Variants in PARP8 observed in about 807,000 individuals in gnomAD.
The protein encoded by PARP8 is poly(ADP-ribose) polymerase family member 8.
PARP8 carries 51 observed loss-of-function variants against 124.1 expected under a neutral mutation model. The ratio of observed to expected loss-of-function variants is 0.41; its 90% CI spans 0.33 to 0.52. The LOEUF (loss-of-function observed/expected upper bound fraction) is 0.52, where lower values mean the gene tolerates loss of function less well. Ranked by LOEUF, PARP8 falls within the 20% of genes least tolerant of loss-of-function variation. The pLI is 0.21. For synonymous variants in PARP8, 391 were observed against 361.5 expected (o/e 1.08, Z -0.93); for missense variants, 860 against 1,018.9 (o/e 0.84, Z 2.12).
intron 2 of PARP8, among the ~76,000 whole-genome samples, chr5:50,705,788 A>G (rs147062798): frequency 1.3e-5 from 2 of 152,162 alleles, no homozygotes. Flanking sequence ...TCCCAAAAAA[A>G]AAAGGGGGGT....
chr5:50,845,180 G>A lies in PARP8; in HGVS notation c.*3112G>A, dbSNP rs1227722881. On this transcript the variant is annotated 3_prime_UTR_variant, in exon 26 of 26. Transcript: ENST00000281631. ...CTAAAAGAAAGAAAATCTATAATAT[G>A]TAAGTCTATGAATCTTTAAATAACT... 14 of 151,552 alleles carry A rather than the reference G, an allele frequency of 9.2e-5. No individual in the cohort carries two copies. Among genetic ancestry groups the A allele is most frequent in the Admixed American group, 9.2e-4 (14 of 15,180 alleles). The allele number at this position is 151,552 out of a possible 1,614,324, so 9.4% of individuals were successfully genotyped here. A position where few individuals can be genotyped will look rare whatever the true frequency, so the allele number is the denominator to read the frequency against.
At chr5:50,677,076 A>G (rs1750717860) in intron 2 of PARP8, among the ~76,000 whole-genome samples, 1 of 152,206 alleles carries the variant, frequency 6.6e-6, no homozygotes, top group Non-Finnish European at 1.5e-5. Flanking sequence ...AGGCACAAGA[A>G]TCTAGTAAAT....
intron 15 of PARP8, among the ~76,000 whole-genome samples, 173 bp from the exon 16 acceptor site, chr5:50,821,040 A>G (rs1228153473): frequency 6.6e-6 from 1 of 152,186 alleles, no homozygotes; most frequent in Non-Finnish European, 1.5e-5. Flanking sequence ...GTTATTTTGA[A>G]TTGATGGTAA....
At chr5:50,793,448 G>A (rs1430911474) in intron 10 of PARP8, among the ~76,000 whole-genome samples, 1 of 152,136 alleles carries the variant, frequency 6.6e-6, no homozygotes, top group Non-Finnish European at 1.5e-5. Context: ...CTGTGTCCAA[G>A]TCCACAGTTG....
chr5:50,681,585 A>G (rs992378974), intron 2 of PARP8, among the ~76,000 whole-genome samples: 1 of 152,176 alleles, frequency 6.6e-6, no homozygotes, highest in Non-Finnish European at 1.5e-5. Flanking sequence ...TATAAAATGT[A>G]ATTCCAGTTT....
chr5:50,820,904 A>C (rs1745691415), intron 15 of PARP8, among the ~76,000 whole-genome samples: 1 of 152,208 alleles, frequency 6.6e-6, no homozygotes, highest in African/African-American at 2.4e-5. Context: ...TATCAGCTGC[A>C]CCAGAGCAGG....
Position 50,828,012 on chromosome 5 carries a change from T to A in PARP8, c.2046T>A (p.Asn682Lys), listed in dbSNP as rs753062680. 3.1e-6 allele frequency: 5 copies of A among 1,613,650 alleles called. No homozygotes were observed. The highest frequency in any genetic ancestry group is 4.2e-6 in the Non-Finnish European group (5 of 1,179,662). Residue 682 changes from asparagine (N) to lysine (K), a missense_variant, in exon 20 of 26, where the codon AAT (asparagine) becomes AAA (lysine). Transcript: ENST00000281631. ...GCAGTCCACCAGCCAAAGAATCCAA[T>A]TTTAGAGCTGCTAAAAAACTCTTTG... ...LLSSPPAKES[N>K]FRAAKKLFGS...
At chr5:50,726,216 G>C (rs545441397) in intron 2 of PARP8, among the ~76,000 whole-genome samples, 1 of 152,004 alleles carries the variant, frequency 6.6e-6, no homozygotes, top group African/African-American at 2.4e-5. Flanking sequence ...GACTTTGGGA[G>C]CATTTCTAAA....
intron 2 of PARP8, among the ~76,000 whole-genome samples, chr5:50,743,156 G>A (rs1300540517): frequency 2.0e-5 from 3 of 152,084 alleles, no homozygotes; most frequent in East Asian, 1.9e-4. Flanking sequence ...TAGGGAAAAC[G>A]AGGCCATGGA....
intron 25 of PARP8, among the ~76,000 whole-genome samples, chr5:50,840,044 AT>A (rs1394519863): frequency 6.6e-6 from 1 of 151,992 alleles, no homozygotes; most frequent in African/African-American, 2.4e-5. Context: ...AGGACAGATG[AT>A]GGGGATAAGT....
At chr5:50,802,950 AT>A (rs1265078272) in intron 14 of PARP8, among the ~76,000 whole-genome samples, 8 of 152,120 alleles carry the variant, frequency 5.3e-5, no homozygotes, top group Non-Finnish European at 1.0e-4. Context: ...TGTCCTTTCC[AT>A]TTTAATCTGA....
At chr5:50,725,589 C>T (rs1170254482) in intron 2 of PARP8, among the ~76,000 whole-genome samples, 1 of 152,152 alleles carries the variant, frequency 6.6e-6, no homozygotes, top group Non-Finnish European at 1.5e-5. Context: ...CATGTGTTCA[C>T]TGCTAATATG....
Position 50,842,097 on chromosome 5 carries a change from A to G in PARP8, c.*29A>G. 6.7e-7 allele frequency: 1 copy of G among 1,485,176 alleles called. No individual in the cohort carries two copies. Among genetic ancestry groups the G allele is most frequent in the African/African-American group, 1.4e-5 (1 of 71,246 alleles). The allele number at this position is 1,485,176 out of a possible 1,614,324, so 92.0% of individuals were successfully genotyped here. ...ACCACCATTTAATTAACATGATTCG[A>G]AAGCCTTCCTCGGGTTCAAAGCTGG... On this transcript the variant is annotated 3_prime_UTR_variant, in exon 26 of 26. Transcript: ENST00000281631.
At chr5:50,741,686 A>C in intron 2 of PARP8, 1 of 255,348 alleles carries the variant, frequency 3.9e-6, no homozygotes, top group Non-Finnish European at 7.9e-6. Context: ...TTTTGAAAAT[A>C]GGAAAATATA....
chr5:50,674,871 C>T (rs1057128844), intron 2 of PARP8, among the ~76,000 whole-genome samples: 2 of 152,030 alleles, frequency 1.3e-5, no homozygotes, highest in Non-Finnish European at 2.9e-5. Context: ...TAACGTTTTA[C>T]GCATAGGAGG....
In PARP8 at chr5:50,826,703, C is replaced by A. The variant is rs1746388896; in HGVS notation, c.1929-52C>A. On this transcript the variant is annotated intron_variant, in intron 18 of 25. Coordinates refer to ENST00000281631, the MANE Select transcript of PARP8 (RefSeq NM_024615.4). The stretch of plus-strand genomic sequence containing the variant: ...ATCGGTTGCCAACTAAGAAAAAGAA[C>A]TTTAAATATATTTGGCATGTATTTG... 3 of 1,526,268 alleles carry A rather than the reference C, an allele frequency of 2.0e-6. No homozygotes were observed. In the African/African-American group the frequency reaches 4.3e-5, roughly 22 times the overall value. 94.5% of individuals were successfully genotyped at this position (1,526,268 alleles called of 1,614,324 possible). A position where few individuals can be genotyped will look rare whatever the true frequency, so the allele number is the denominator to read the frequency against.
At chr5:50,681,951 C>G (rs113738582) in intron 2 of PARP8, among the ~76,000 whole-genome samples, 1 of 152,084 alleles carries the variant, frequency 6.6e-6, no homozygotes, top group Admixed American at 6.5e-5. Context: ...CCTGAGAGAA[C>G]GTAGGAATGT....
At chr5:50,727,591 A>AT (rs1756555702) in intron 2 of PARP8, among the ~76,000 whole-genome samples, 1 of 152,182 alleles carries the variant, frequency 6.6e-6, no homozygotes, top group Non-Finnish European at 1.5e-5. Context: ...TATGGTCTAT[A>AT]CCTTCCACTG....
intron 7 of PARP8, among the ~76,000 whole-genome samples, chr5:50,774,579 G>A (rs533924537): frequency 2.7e-4 from 36 of 133,000 alleles, no homozygotes; most frequent in Admixed American, 3.9e-4. Flanking sequence ...GGGCAGAGGC[G>A]CTCCTCACCT....
Sources: gnomAD v4.1 joint callset for allele counts (sites outside exome capture counted in the v4.1 genomes callset) on GRCh38, gnomAD v4.1.1 for gene constraint, MANE v1.5 for transcripts, NCBI Gene and HGNC (gene_info 2026-07-23, HGNC 2026-07-21) for gene names.